The following NAT10 variants were observed in gnomAD, a reference collection of about 807,000 sequenced individuals.
NAT10 encodes the protein N-acetyltransferase 10.
NAT10 carries 109 observed loss-of-function variants against 132.2 expected under a neutral mutation model. That is an observed-to-expected ratio of 0.82 (90% CI 0.71 to 0.97). The LOEUF (loss-of-function observed/expected upper bound fraction) is 0.97, where lower values mean the gene tolerates loss of function less well. Ranked by LOEUF, NAT10 falls within the 50% of genes least tolerant of loss-of-function variation. NAT10 has a pLI of 0.00. For missense variants in NAT10, 1,184 were observed against 1,263.4 expected, an observed-to-expected ratio of 0.94 and a Z score of 0.95; for synonymous variants, 479 against 478.0, an observed-to-expected ratio of 1.00 and a Z score of -0.03.
intron 20 of NAT10, 56 bp from the exon 21 acceptor site, chr11:34,136,922 A>G (rs1367897235): frequency 5.0e-6 from 8 of 1,612,032 alleles, no homozygotes; most frequent in Non-Finnish European, 5.9e-6. Context: ...TTGTGTGTCT[A>G]TCAGCCACTC....
At chr11:34,136,263 G>A (rs1167515677) in intron 19 of NAT10, among the ~76,000 whole-genome samples, 1 of 152,058 alleles carries the variant, frequency 6.6e-6, no homozygotes. Flanking sequence ...TGTATTTCCA[G>A]TAGCGATGGG....
rs530282974 is a variant in NAT10 at position 34,141,659 on chromosome 11, G to A, written c.2713-60G>A. On this transcript the variant is annotated intron_variant, in intron 25 of 28. Transcript: ENST00000257829. Reference sequence around the variant, plus strand: ...ATAAGACACCAAGTGTCTGGGTCACGGGTGACTGGGTCCCTGCTGCTCCTT... The same window carrying A: ...ATAAGACACCAAGTGTCTGGGTCACAGGTGACTGGGTCCCTGCTGCTCCTT... The A allele has an allele frequency of 2.7e-3, 4,016 of 1,485,394 alleles. 135 individuals carry two copies. In the South Asian group the frequency reaches 0.043, roughly 16 times the overall value. 92.0% of individuals were successfully genotyped at this position (1,485,394 alleles called of 1,614,324 possible).
intron 10 of NAT10, 132 bp from the exon 11 acceptor site, chr11:34,124,170 A>G (rs1440497776): frequency 4.5e-6 from 3 of 669,370 alleles, no homozygotes; most frequent in Non-Finnish European, 7.4e-6. Flanking sequence ...CTCAAAAAAA[A>G]AAAGGATTTT....
At chr11:34,134,995 A>G (rs115657976) in intron 18 of NAT10, among the ~76,000 whole-genome samples, 180 bp from the exon 19 acceptor site, 2,559 of 152,298 alleles carry the variant, frequency 0.017, 50 homozygotes, top group African/African-American at 0.058. Context: ...CTCGGGTCAC[A>G]CTACTTTCAG....
intron 19 of NAT10, 65 bp from the exon 20 acceptor site, chr11:34,136,577 G>C: frequency 6.3e-7 from 1 of 1,598,660 alleles, no homozygotes; most frequent in Non-Finnish European, 8.6e-7. Flanking sequence ...GCTGCGGCAG[G>C]GTGCTTGACG....
At chr11:34,140,621 G>A (rs77424017) in intron 24 of NAT10, 49 bp downstream of exon 24, 199 of 1,581,462 alleles carry the variant, frequency 1.3e-4, no homozygotes, top group Non-Finnish European at 1.7e-4. Context: ...TTGTGGAGCT[G>A]TTCATTTGCT....
At position 34,108,257 on chromosome 11, in the gene NAT10, G is replaced by T. The variant is rs745685344; in HGVS notation, c.32G>T (p.Arg11Leu). 3 of 1,614,100 alleles carry T rather than the reference G, an allele frequency of 1.9e-6. No homozygotes were observed. Among genetic ancestry groups the T allele is most frequent in the Non-Finnish European group, 2.5e-6 (3 of 1,179,990 alleles). Residue 11 changes from arginine (R) to leucine (L), a missense_variant, in exon 2 of 29, where the codon CGG (arginine) becomes CTG (leucine). Coordinates refer to ENST00000257829, the MANE Select transcript of NAT10 (RefSeq NM_024662.3). ...CGGAAAAAGGTGGATAACCGAATCC[G>T]GATTCTCATTGAGAATGGAGTAGCT... is the stretch of plus-strand genomic sequence containing the variant. Reference protein sequence around the residue: MHRKKVDNRIRILIENGVAER... With the variant: MHRKKVDNRILILIENGVAER...
chr11:34,134,533 G>C lies in NAT10; in HGVS notation c.1858G>C (p.Gly620Arg). 6.2e-7 allele frequency: 1 copy of C among 1,614,166 alleles called. No individual in the cohort carries two copies. The highest frequency in any genetic ancestry group is 8.5e-7 in the Non-Finnish European group (1 of 1,180,028). The stretch of plus-strand genomic sequence containing the variant: ...ACAGTTCCAAGATCCAGACTTTGGT[G>C]GTCTGTCTGGTGGAAGGGTCGTTCG... ...SEQFQDPDFGGLSGGRVVRIA... is the reference protein window; with the variant it reads ...SEQFQDPDFGRLSGGRVVRIA... Residue 620 changes from glycine (G) to arginine (R), a missense_variant, in exon 18 of 29, where the codon GGT (glycine) becomes CGT (arginine). Gly to Arg is a moderately radical substitution (Grantham distance 125). Coordinates refer to ENST00000257829, the MANE Select transcript of NAT10 (RefSeq NM_024662.3).
intron 3 of NAT10, among the ~76,000 whole-genome samples, chr11:34,111,063 T>A (rs553483956): frequency 6.6e-6 from 1 of 152,376 alleles, no homozygotes; most frequent in African/African-American, 2.4e-5. Flanking sequence ...GTTTTCACTA[T>A]TTTTCATTTG....
At chr11:34,120,304 A>G (rs1488804469) in intron 8 of NAT10, among the ~76,000 whole-genome samples, 1 of 151,582 alleles carries the variant, frequency 6.6e-6, no homozygotes, top group Non-Finnish European at 1.5e-5. Context: ...AGAGTTTATA[A>G]CTTCTATAAT....
chr11:34,128,721 A>C (rs1325899359), intron 12 of NAT10, among the ~76,000 whole-genome samples: 1 of 152,238 alleles, frequency 6.6e-6, no homozygotes, highest in Non-Finnish European at 1.5e-5. Flanking sequence ...ATCCATTTAA[A>C]ATGTGTAATT....
chr11:34,138,007 C>T (rs1307627921), intron 21 of NAT10, among the ~76,000 whole-genome samples: 2 of 152,096 alleles, frequency 1.3e-5, no homozygotes, highest in Non-Finnish European at 2.9e-5. Flanking sequence ...GGGGAACAGG[C>T]GACTCTTTCA....
chr11:34,131,143 G>A (rs150072097), intron 13 of NAT10, among the ~76,000 whole-genome samples: 69 of 152,276 alleles, frequency 4.5e-4, no homozygotes, highest in Non-Finnish European at 8.8e-4. Context: ...CCTTCTGATG[G>A]TGGGGCCCTT....
At chr11:34,115,730 C>A in intron 5 of NAT10, 93 bp from the exon 6 acceptor site, 1 of 1,263,608 alleles carries the variant, frequency 7.9e-7, no homozygotes, top group Non-Finnish European at 1.1e-6. Flanking sequence ...AGCAAGATTG[C>A]CCATGTCTCC....
chr11:34,137,858 G>A (rs138262607), intron 21 of NAT10, among the ~76,000 whole-genome samples: 2 of 152,192 alleles, frequency 1.3e-5, no homozygotes, highest in Admixed American at 6.5e-5. Context: ...GGGAATGGGA[G>A]TCAGCCCTGT....
At position 34,106,712 on chromosome 11, in the gene NAT10, C is replaced by G. The variant is rs116436927; in HGVS notation, c.-16+920C>G. Among the ~76,000 whole-genome samples the G allele has an allele frequency of 6.7e-3, 1,019 of 152,280 alleles. 14 individuals are homozygous for G. Among genetic ancestry groups the G allele is most frequent in the African/African-American group, 0.023 (952 of 41,544 alleles). ...AGACTTGAGTGTGAATTCTGTCTGT[C>G]GTTTTTCTGCCTCGGGATATTTGAA... On this transcript the variant is annotated intron_variant, in intron 1 of 28. Coordinates refer to ENST00000257829, the MANE Select transcript of NAT10 (RefSeq NM_024662.3).
chr11:34,118,726 A>G (rs1263969845), intron 8 of NAT10, among the ~76,000 whole-genome samples: 4 of 152,084 alleles, frequency 2.6e-5, no homozygotes, highest in Non-Finnish European at 5.9e-5. Context: ...CAGGCTACAG[A>G]TAGAGCAGAT....
At chr11:34,106,536 T>A (rs1851597668) in intron 1 of NAT10, among the ~76,000 whole-genome samples, 1 of 152,176 alleles carries the variant, frequency 6.6e-6, no homozygotes, top group Admixed American at 6.6e-5. Flanking sequence ...TGGTACTACT[T>A]CTGGGGCTCC....
rs72268617 is a variant in NAT10, at chr11:34,141,408, T to TCTCACACACA, written c.2712+201_2712+202insTCACACACAC. On this transcript the variant is annotated intron_variant, in intron 25 of 28. Transcript: ENST00000257829. ...TGTGTTTGCTGCATCTCATCACACA[T>TCTCACACACA]CACACACACACACACACACACACAC... is the stretch of plus-strand genomic sequence containing the variant. Among the ~76,000 whole-genome samples the TCTCACACACA allele has an allele frequency of 1.1e-4, 15 of 132,962 alleles. No individual in the cohort carries two copies. In the East Asian group the frequency reaches 2.0e-3, roughly 17 times the overall value. 87.2% of individuals were successfully genotyped at this position (132,962 alleles called of 152,430 possible).
Sources: allele counts gnomAD v4.1 joint callset (sites outside exome capture counted in the v4.1 genomes callset), GRCh38; gene constraint gnomAD v4.1.1; transcripts MANE v1.5; gene names NCBI Gene and HGNC (gene_info 2026-07-23, HGNC 2026-07-21).